Variants in FBXO25 observed in about 807,000 individuals in gnomAD.
FBXO25 encodes F-box protein 25, also known as F-box only protein 25.
FBXO25 carries 45 observed loss-of-function variants against 51.9 expected under a neutral mutation model. That is an observed-to-expected ratio of 0.87 (90% confidence interval 0.68 to 1.11). The LOEUF (loss-of-function observed/expected upper bound fraction) is 1.11, where lower values mean the gene tolerates loss of function less well. Ranked by LOEUF, FBXO25 falls within the 50% of genes most tolerant of loss-of-function variation. FBXO25 has a pLI of 0.00. For synonymous variants in FBXO25, 199 were observed against 151.0 expected (o/e 1.32, Z -2.33); for missense variants, 507 against 428.5 (o/e 1.18, Z -1.62).
At chr8:441,369 A>G (rs1162945913) in intron 5 of FBXO25, among the ~76,000 whole-genome samples, 1 of 152,252 alleles carries the variant, frequency 6.6e-6, no homozygotes. Flanking sequence ...AATTAACTCA[A>G]GATGGATTAA....
chr8:413,479 A>G (rs1235774135), intron 2 of FBXO25, among the ~76,000 whole-genome samples: 2 of 152,064 alleles, frequency 1.3e-5, no homozygotes, highest in African/African-American at 2.4e-5. Context: ...ATCCCACATT[A>G]TAGCTGAGGA....
At position 468,248 on chromosome 8, in the gene FBXO25, C is replaced by G. The variant is rs1454719010; in HGVS notation, c.988-467C>G. The G allele has an allele frequency of 1.4e-5, 14 of 1,013,846 alleles. No individual in the cohort carries two copies. The African/African-American group carries it at 2.2e-4, about 16-fold the overall frequency. The allele number at this position is 1,013,846 out of a possible 1,614,324, so 62.8% of individuals were successfully genotyped here. A position where few individuals can be genotyped will look rare whatever the true frequency, so the allele number is the denominator to read the frequency against. ...GGGGGCTGAGGCCGTGTGTCCCCCT[C>G]TCCTGTCCTATGCAGGGAGCCCAAG... is the stretch of plus-strand genomic sequence containing the variant. On this transcript the variant is annotated intron_variant, in intron 9 of 9. Coordinates refer to ENST00000350302, the MANE Select transcript of FBXO25 (RefSeq NM_183420.2).
intron 1 of FBXO25, among the ~76,000 whole-genome samples, chr8:408,703 G>A (rs1796315876): frequency 6.6e-6 from 1 of 152,196 alleles, no homozygotes; most frequent in Admixed American, 6.5e-5. Flanking sequence ...CTCATGCCAA[G>A]AGTTTCCACC....
intron 2 of FBXO25, among the ~76,000 whole-genome samples, chr8:421,745 A>C (rs113046767): frequency 5.9e-5 from 9 of 152,260 alleles, no homozygotes; most frequent in Non-Finnish European, 1.0e-4. Context: ...GTGGATCCTA[A>C]GGGCTCCTCA....
At chr8:441,570 G>A (rs1190628271) in intron 5 of FBXO25, among the ~76,000 whole-genome samples, 1 of 152,196 alleles carries the variant, frequency 6.6e-6, no homozygotes, top group Non-Finnish European at 1.5e-5. Flanking sequence ...TGTTATCACA[G>A]CGAAGAGGCA....
At chr8:422,632 T>C (rs1017600292) in intron 2 of FBXO25, among the ~76,000 whole-genome samples, 22 of 152,218 alleles carry the variant, frequency 1.4e-4, no homozygotes, top group African/African-American at 5.3e-4. Flanking sequence ...GTGTTCTGCC[T>C]CTGAAACTCT....
intron 9 of FBXO25, among the ~76,000 whole-genome samples, chr8:466,526 T>C (rs779988492): frequency 2.0e-5 from 3 of 152,212 alleles, no homozygotes; most frequent in Non-Finnish European, 4.4e-5. Context: ...ACTAAAGTAA[T>C]ATCAAAGCTG....
intron 9 of FBXO25, among the ~76,000 whole-genome samples, chr8:466,444 T>C (rs1376358819): frequency 1.3e-5 from 2 of 152,192 alleles, no homozygotes; most frequent in East Asian, 3.9e-4. Context: ...GCTCAGAAAA[T>C]GGCACTTAGG....
chr8:461,700 C>T (rs538625288), intron 8 of FBXO25, among the ~76,000 whole-genome samples: 64 of 152,274 alleles, frequency 4.2e-4, no homozygotes, highest in South Asian at 3.5e-3. Context: ...AACCCCTAAT[C>T]GACTTTCTGT....
At chr8:452,992 C>A (rs1450280422) in intron 7 of FBXO25, among the ~76,000 whole-genome samples, 1 of 152,162 alleles carries the variant, frequency 6.6e-6, no homozygotes, top group Non-Finnish European at 1.5e-5. Flanking sequence ...CCCCAGCTTG[C>A]CCCACTCAGT....
At chr8:409,294 C>CT (rs1796351654) in intron 1 of FBXO25, among the ~76,000 whole-genome samples, 1 of 152,200 alleles carries the variant, frequency 6.6e-6, no homozygotes, top group Admixed American at 6.5e-5. Flanking sequence ...CATAACAAAT[C>CT]TGTGAAGCAC....
intron 8 of FBXO25, among the ~76,000 whole-genome samples, chr8:459,996 G>C (rs1313174395): frequency 1.3e-5 from 2 of 152,066 alleles, no homozygotes. Flanking sequence ...TTGAGTAGGA[G>C]AACAGTAGAT....
rs577218674 is a variant in FBXO25, at chr8:445,202, G to A, written c.382-4788G>A. Among the ~76,000 whole-genome samples the A allele has an allele frequency of 8.5e-5, 13 of 152,256 alleles. No homozygotes were observed. In the South Asian group the frequency reaches 1.2e-3, roughly 15 times the overall value. On this transcript the variant is annotated intron_variant, in intron 5 of 9. Coordinates refer to ENST00000350302, the MANE Select transcript of FBXO25 (RefSeq NM_183420.2). ...GATGTCCATTCTGTAGTCCTCTGTG[G>A]GTAACTAGTCTAAACTGACCGTGCT...
intron 1 of FBXO25, among the ~76,000 whole-genome samples, chr8:412,141 CAT>C (rs1199532554): frequency 6.6e-6 from 1 of 152,112 alleles, no homozygotes; most frequent in African/African-American, 2.4e-5. Context: ...TTTTTTAAGT[CAT>C]AATTTTTATA....
At chr8:445,601 C>A (rs1039632882) in intron 5 of FBXO25, among the ~76,000 whole-genome samples, 1 of 152,096 alleles carries the variant, frequency 6.6e-6, no homozygotes, top group Non-Finnish European at 1.5e-5. Flanking sequence ...GCCTATAATC[C>A]CAGCACTTTG....
At chr8:452,015 A>G (rs1400450088) in intron 7 of FBXO25, among the ~76,000 whole-genome samples, 1 of 152,212 alleles carries the variant, frequency 6.6e-6, no homozygotes, top group Non-Finnish European at 1.5e-5. Context: ...ATTTAACTCT[A>G]GTACTCATAA....
rs1462034642 is a variant in FBXO25 at position 473,277 on chromosome 8, A to G, written c.*4473A>G. ...GTGTAGCCTCTGCCTTCAGAATTTC[A>G]GCAGGAACTGCATCATTGTGTGCCT... On this transcript the variant is annotated 3_prime_UTR_variant, in exon 10 of 10. Coordinates refer to ENST00000350302, the MANE Select transcript of FBXO25 (RefSeq NM_183420.2). 1 of 152,206 alleles carries G rather than the reference A, an allele frequency of 6.6e-6. No homozygotes were observed. Among genetic ancestry groups the G allele is most frequent in the African/African-American group, 2.4e-5 (1 of 41,422 alleles). The allele number at this position is 152,206 out of a possible 1,614,324, so 9.4% of individuals were successfully genotyped here.
At chr8:412,250 GTATGTCT>G (rs1796522291) in intron 1 of FBXO25, among the ~76,000 whole-genome samples, 1 of 152,082 alleles carries the variant, frequency 6.6e-6, no homozygotes, top group African/African-American at 2.4e-5. Flanking sequence ...TGTTCCTTCT[GTATGTCT>G]TATCCCAGAT....
At chr8:447,008 G>C (rs1237616545) in intron 5 of FBXO25, among the ~76,000 whole-genome samples, 1 of 152,208 alleles carries the variant, frequency 6.6e-6, no homozygotes, top group Admixed American at 6.5e-5. Context: ...ACCAAAAGCA[G>C]CTAAGCCTGG....
Sources: allele counts gnomAD v4.1 joint callset (sites outside exome capture counted in the v4.1 genomes callset), GRCh38; gene constraint gnomAD v4.1.1; transcripts MANE v1.5; gene names NCBI Gene and HGNC (gene_info 2026-07-23, HGNC 2026-07-21).